Variants in TCTN2 observed in about 807,000 individuals in gnomAD.
TCTN2 encodes tectonic family member 2, also known as tectonic-2.
A neutral mutation model predicts 83.4 loss-of-function variants in TCTN2; 66 were observed. The observed-to-expected ratio is 0.79, with a 90% confidence interval of 0.65 to 0.97. TCTN2 has a LOEUF of 0.97. TCTN2 is among the 50% of genes least tolerant of loss of function. TCTN2 has a pLI of 0.00. For synonymous variants in TCTN2, 301 were observed against 326.7 expected (o/e 0.92, Z 0.85); for missense variants, 794 against 858.1 (o/e 0.93, Z 0.93).
At chr12:123,674,703 G>A (rs1955799861) in intron 4 of TCTN2, among the ~76,000 whole-genome samples, 1 of 152,138 alleles carries the variant, frequency 6.6e-6, no homozygotes, top group African/African-American at 2.4e-5. Context: ...AGACCAACCT[G>A]GGCAACACAG....
chr12:123,679,446 C>T (rs1309642873), intron 5 of TCTN2, among the ~76,000 whole-genome samples, 157 bp downstream of exon 5: 3 of 152,088 alleles, frequency 2.0e-5, no homozygotes, highest in Admixed American at 6.6e-5. Context: ...ACTGCAGCCT[C>T]GACCTCCCGG....
chr12:123,693,793 A>C (rs1293979116), intron 9 of TCTN2, among the ~76,000 whole-genome samples: 1 of 150,170 alleles, frequency 6.7e-6, no homozygotes, highest in African/African-American at 2.4e-5. Flanking sequence ...TTTTTAATGA[A>C]GGATACTGTT....
intron 4 of TCTN2, among the ~76,000 whole-genome samples, chr12:123,674,260 A>T (rs147776264): frequency 7.9e-5 from 12 of 151,992 alleles, no homozygotes; most frequent in African/African-American, 2.4e-4. Flanking sequence ...AAATTTGTTT[A>T]TGTACATTGA....
At chr12:123,706,661 C>A in intron 15 of TCTN2, 65 bp from the exon 16 acceptor site, 1 of 1,611,980 alleles carries the variant, frequency 6.2e-7, no homozygotes, top group Non-Finnish European at 8.5e-7. Context: ...CATCCGTTAC[C>A]TGCTGTTCTT....
At chr12:123,700,489 A>G (rs150806583) in intron 14 of TCTN2, among the ~76,000 whole-genome samples, 16 of 152,066 alleles carry the variant, frequency 1.1e-4, no homozygotes, top group Non-Finnish European at 2.1e-4. Context: ...CTGGAGTGCA[A>G]TGGCACAATC....
At chr12:123,678,653 A>G (rs111553286) in intron 4 of TCTN2, among the ~76,000 whole-genome samples, 1,695 of 152,260 alleles carry the variant, frequency 0.011, 14 homozygotes, top group South Asian at 0.031. Context: ...TTCTAGATCA[A>G]CTATGACTTC....
intron 17 of TCTN2, 22 bp from the exon 18 acceptor site, chr12:123,707,582 A>T: frequency 6.2e-7 from 1 of 1,606,082 alleles, no homozygotes; most frequent in South Asian, 1.1e-5. Flanking sequence ...ACTGCTGTTG[A>T]ATTTTGTCCA....
At chr12:123,689,612 G>A (rs1470567446) in intron 7 of TCTN2, among the ~76,000 whole-genome samples, 1 of 152,058 alleles carries the variant, frequency 6.6e-6, no homozygotes, top group East Asian at 1.9e-4. Flanking sequence ...TTGTCACCCA[G>A]GTACTAAGCC....
At chr12:123,678,428 C>G (rs1420383587) in intron 4 of TCTN2, among the ~76,000 whole-genome samples, 2 of 152,122 alleles carry the variant, frequency 1.3e-5, no homozygotes, top group African/African-American at 4.8e-5. Context: ...TTAATTTTAT[C>G]TGTTTCTTTT....
At chr12:123,679,326 A>C (rs752207126) in intron 5 of TCTN2, 37 bp downstream of exon 5, 1 of 1,544,528 alleles carries the variant, frequency 6.5e-7, no homozygotes, top group South Asian at 1.1e-5. Flanking sequence ...AAGTTATGCT[A>C]CCTGTGAGAA....
intron 5 of TCTN2, among the ~76,000 whole-genome samples, chr12:123,680,475 T>G (rs923407210): frequency 8.2e-6 from 1 of 121,908 alleles, no homozygotes; most frequent in African/African-American, 3.5e-5. Context: ...CTTTTAGGCT[T>G]AGAGCAATAC....
chr12:123,700,419 A>G (rs556475053), intron 14 of TCTN2, among the ~76,000 whole-genome samples: 1 of 151,874 alleles, frequency 6.6e-6, no homozygotes, highest in East Asian at 2.0e-4. Context: ...GCTTGAGGCC[A>G]GTTTTTTTGT....
intron 13 of TCTN2, among the ~76,000 whole-genome samples, chr12:123,699,443 C>G (rs1566260252): frequency 6.6e-6 from 1 of 152,200 alleles, no homozygotes; most frequent in Non-Finnish European, 1.5e-5. Context: ...GTGTGAGCCA[C>G]TGCACCCGGC....
intron 6 of TCTN2, among the ~76,000 whole-genome samples, chr12:123,687,252 C>T (rs745917798): frequency 3.3e-5 from 5 of 152,214 alleles, no homozygotes; most frequent in Non-Finnish European, 7.3e-5. Flanking sequence ...ACATTGAAAA[C>T]AGCTCATGGT....
intron 4 of TCTN2, among the ~76,000 whole-genome samples, chr12:123,674,591 A>C (rs1955798038): frequency 6.6e-6 from 1 of 152,166 alleles, no homozygotes; most frequent in Admixed American, 6.6e-5. Context: ...TCATGACTGC[A>C]TCTTAAGAAG....
intron 13 of TCTN2, among the ~76,000 whole-genome samples, chr12:123,697,574 A>C (rs1367367315): frequency 6.6e-6 from 1 of 152,074 alleles, no homozygotes; most frequent in African/African-American, 2.4e-5. Context: ...ATCTCGGCTC[A>C]TTGCAGCTTC....
intron 14 of TCTN2, 44 bp downstream of exon 14, chr12:123,699,854 G>A (rs1369707315): frequency 1.3e-6 from 2 of 1,483,004 alleles, no homozygotes; most frequent in Non-Finnish European, 1.9e-6. Context: ...CTTGGTTGCT[G>A]TGACTACCAA....
intron 11 of TCTN2, chr12:123,696,171 T>C (rs1296448375): frequency 2.1e-6 from 1 of 476,120 alleles, no homozygotes; most frequent in African/African-American, 2.4e-5. Flanking sequence ...GTGATAACAA[T>C]GTATTTTTTT....
chr12:123,682,740 C>A (rs1234993576), intron 5 of TCTN2, among the ~76,000 whole-genome samples: 1 of 151,980 alleles, frequency 6.6e-6, no homozygotes, highest in African/African-American at 2.4e-5. Context: ...CCTCAGCCTC[C>A]CAAAATGCTG....
Sources: gnomAD v4.1 joint callset for allele counts (sites outside exome capture counted in the v4.1 genomes callset) on GRCh38, gnomAD v4.1.1 for gene constraint, MANE v1.5 for transcripts, NCBI Gene and HGNC (gene_info 2026-07-23, HGNC 2026-07-21) for gene names.